Variants in TYW1B observed in about 807,000 individuals in gnomAD.
TYW1B encodes tRNA-yW synthesizing protein 1 homolog B.
In TYW1B, 73 loss-of-function variants were observed where a neutral mutation model predicts 86.9. The ratio of observed to expected loss-of-function variants is 0.84; its 90% CI spans 0.70 to 1.02. TYW1B has a LOEUF of 1.02. TYW1B is among the 50% of genes least tolerant of loss of function. The probability of loss-of-function intolerance (pLI) is 0.00; values close to 1 mark genes in which losing one functional copy is unlikely to be tolerated. For synonymous variants in TYW1B, 248 were observed against 292.8 expected (o/e 0.85, Z 1.56); for missense variants, 637 against 827.4 (o/e 0.77, Z 2.82).
intron 6 of TYW1B, among the ~76,000 whole-genome samples, chr7:72,781,481 C>T (rs1229120110): frequency 4.6e-5 from 7 of 152,140 alleles, no homozygotes; most frequent in African/African-American, 1.7e-4. Context: ...CTCAGGGAGA[C>T]AGATTTGAGT....
intron 8 of TYW1B, among the ~76,000 whole-genome samples, chr7:72,739,075 AAT>A (rs1408492348): frequency 6.6e-6 from 1 of 152,098 alleles, no homozygotes; most frequent in African/African-American, 2.4e-5. Flanking sequence ...GACAGGGCTT[AAT>A]ATGGGATGAT....
At chr7:72,702,909 T>G (rs1814507287) in intron 10 of TYW1B, among the ~76,000 whole-genome samples, 1 of 151,596 alleles carries the variant, frequency 6.6e-6, no homozygotes, top group Non-Finnish European at 1.5e-5. Context: ...TTTTAAGGTC[T>G]GTGCTCTGCT....
intron 8 of TYW1B, among the ~76,000 whole-genome samples, chr7:72,730,340 A>C (rs1165111047): frequency 3.5e-4 from 53 of 151,546 alleles, no homozygotes; most frequent in African/African-American, 1.2e-3. Context: ...AAATCAGGAA[A>C]AGAATTCATG....
intron 13 of TYW1B, among the ~76,000 whole-genome samples, chr7:72,593,597 C>T (rs1196504356): frequency 5.3e-5 from 8 of 151,858 alleles, no homozygotes; most frequent in African/African-American, 1.7e-4. Context: ...CCAAGGCGGG[C>T]GGATCACAAG....
chr7:72,642,882 T>A (rs1176266688), intron 11 of TYW1B, among the ~76,000 whole-genome samples: 1 of 151,950 alleles, frequency 6.6e-6, no homozygotes, highest in Non-Finnish European at 1.5e-5. Context: ...GCCTGGGGAA[T>A]AGAGCGAGAC....
intron 13 of TYW1B, among the ~76,000 whole-genome samples, chr7:72,607,078 T>C (rs1356196886): frequency 1.3e-5 from 2 of 152,114 alleles, no homozygotes; most frequent in African/African-American, 4.8e-5. Flanking sequence ...CAAATGTGCT[T>C]CAATGGGCTA....
At chr7:72,776,885 T>A (rs1246119933) in intron 7 of TYW1B, among the ~76,000 whole-genome samples, 1 of 152,058 alleles carries the variant, frequency 6.6e-6, no homozygotes, top group Non-Finnish European at 1.5e-5. Flanking sequence ...TAGTTTCCTG[T>A]GTTTCTCTGC....
At chr7:72,627,061 T>C (rs1812364156) in intron 12 of TYW1B, among the ~76,000 whole-genome samples, 1 of 151,970 alleles carries the variant, frequency 6.6e-6, no homozygotes, top group Non-Finnish European at 1.5e-5. Context: ...GCCACTCCAC[T>C]AGGATAGCAC....
chr7:72,730,358 T>C (rs1194266941), intron 8 of TYW1B, among the ~76,000 whole-genome samples: 16 of 150,692 alleles, frequency 1.1e-4, no homozygotes, highest in African/African-American at 3.9e-4. Context: ...ATGATCTAAA[T>C]GAGAAATTCA....
At chr7:72,761,576 G>C in intron 7 of TYW1B, among the ~76,000 whole-genome samples, 1 of 145,242 alleles carries the variant, frequency 6.9e-6, no homozygotes, top group East Asian at 2.0e-4. Flanking sequence ...GGCTGACAGA[G>C]TGAGACCCTG....
chr7:72,642,629 G>T (rs1420334365), intron 11 of TYW1B, among the ~76,000 whole-genome samples: 1 of 152,354 alleles, frequency 6.6e-6, no homozygotes, highest in South Asian at 2.1e-4. Flanking sequence ...TAGGCTGGGC[G>T]CAGTGGCTCA....
chr7:72,650,030 C>CA (rs1445997843), intron 11 of TYW1B, among the ~76,000 whole-genome samples: 1 of 151,362 alleles, frequency 6.6e-6, no homozygotes, highest in Non-Finnish European at 1.5e-5. Flanking sequence ...GCTGGGACTA[C>CA]AGGCACCCGC....
chr7:72,606,192 T>C (rs1265458615), intron 13 of TYW1B, among the ~76,000 whole-genome samples: 1 of 148,860 alleles, frequency 6.7e-6, no homozygotes, highest in Non-Finnish European at 1.5e-5. Context: ...CAGACAACTA[T>C]TGGATAAAAA....
At chr7:72,582,064 T>C (rs1464658520) in intron 13 of TYW1B, among the ~76,000 whole-genome samples, 8 of 139,218 alleles carry the variant, frequency 5.7e-5, no homozygotes, top group Non-Finnish European at 7.6e-5. Context: ...CCACTGCACC[T>C]GGCAAAAAAG....
chr7:72,826,938 A>G lies in TYW1B; in HGVS notation c.52T>C (p.Trp18Arg), dbSNP rs1788943259. Residue 18 changes from tryptophan (W) to arginine (R), a missense_variant, in exon 2 of 14, where the codon TGG (tryptophan) becomes CGG (arginine). Transcript: ENST00000620995. ...AGATAAATGTAAAACCTGTTTATCC[A>G]TAATGATATTAAAGGTGAGGAGAGG... The part of the protein sequence containing the change: ...WDLSSPLISL[W>R]INRFYIYLGF... 1 of 1,613,774 alleles carries G rather than the reference A, an allele frequency of 6.2e-7. No homozygotes were observed. Among genetic ancestry groups the G allele is most frequent in the Non-Finnish European group, 8.5e-7 (1 of 1,179,898 alleles).
chr7:72,586,668 C>T (rs1319805291), intron 13 of TYW1B, among the ~76,000 whole-genome samples: 4 of 151,872 alleles, frequency 2.6e-5, no homozygotes, highest in African/African-American at 4.8e-5. Flanking sequence ...ACCTGGGAGG[C>T]GGAGGTTGCT....
intron 11 of TYW1B, among the ~76,000 whole-genome samples, chr7:72,679,760 A>AT: frequency 1.3e-5 from 2 of 152,314 alleles, no homozygotes; most frequent in East Asian, 3.9e-4. Flanking sequence ...GGGTTACATT[A>AT]TTATATAAAG....
chr7:72,729,108 G>C (rs763090280), intron 8 of TYW1B, among the ~76,000 whole-genome samples, 177 bp from the exon 9 acceptor site: 69 of 152,178 alleles, frequency 4.5e-4, no homozygotes, highest in Non-Finnish European at 8.2e-4. Context: ...ACCCAACAGA[G>C]AGGGGTGAAT....
intron 11 of TYW1B, among the ~76,000 whole-genome samples, chr7:72,646,443 C>T (rs1812933219): frequency 6.6e-6 from 1 of 152,046 alleles, no homozygotes. Flanking sequence ...ACGATCTTGG[C>T]TCACTGCAGC....
Sources: allele counts gnomAD v4.1 joint callset (sites outside exome capture counted in the v4.1 genomes callset), GRCh38; gene constraint gnomAD v4.1.1; transcripts MANE v1.5; gene names NCBI Gene and HGNC (gene_info 2026-07-23, HGNC 2026-07-21).